Variants in ASCC2 observed in about 807,000 individuals in gnomAD.
ASCC2 encodes the protein ASC-1 complex subunit P100.
ASCC2 carries 42 observed loss-of-function variants against 93.5 expected under a neutral mutation model. The observed-to-expected ratio is 0.45, with a 90% CI of 0.35 to 0.58. The LOEUF is 0.58. Among genes scored for constraint, ASCC2 ranks in the 20% least tolerant of loss-of-function variants. ASCC2 has a pLI of 0.00. For missense variants in ASCC2, 859 were observed against 977.6 expected, an observed-to-expected ratio of 0.88 and a Z score of 1.62; for synonymous variants, 364 against 384.2, an observed-to-expected ratio of 0.95 and a Z score of 0.62.
chr22:29,824,251 TACACAC>T (rs60849755), intron 4 of ASCC2, among the ~76,000 whole-genome samples: 46,725 of 146,356 alleles, frequency 0.32, 8,058 homozygotes, highest in East Asian at 0.42. Context: ...ATTTTTTAAA[TACACAC>T]ACACACACAC....
chr22:29,803,866 A>G (rs1229355739), intron 13 of ASCC2, among the ~76,000 whole-genome samples: 1 of 152,206 alleles, frequency 6.6e-6, no homozygotes, highest in Non-Finnish European at 1.5e-5. Flanking sequence ...GGACTGTGGC[A>G]TTTGTTAATG....
Position 29,822,171 on chromosome 22 carries a change from T to A in ASCC2, c.541+164A>T. 3 of 824,962 alleles carry A rather than the reference T, an allele frequency of 3.6e-6. No homozygotes were observed. In the South Asian group the frequency reaches 4.9e-5, roughly 14 times the overall value. The allele number at this position is 824,962 out of a possible 1,614,324, so 51.1% of individuals were successfully genotyped here. A position where few individuals can be genotyped will look rare whatever the true frequency, so the allele number is the denominator to read the frequency against. On this transcript the variant is annotated intron_variant, in intron 5 of 19. Transcript: ENST00000307790. ...CTCCCTAGGTAGTGTCACTACCTAG[T>A]CATTTTGAGGTGACACTCATATATC...
At chr22:29,833,505 CAG>C (rs1175383916) in intron 1 of ASCC2, 1 of 435,898 alleles carries the variant, frequency 2.3e-6, no homozygotes, top group Non-Finnish European at 4.7e-6. Flanking sequence ...AGAAAACTGA[CAG>C]TGCAAGCTCC....
chr22:29,827,884 G>A (rs1408206931), intron 2 of ASCC2, among the ~76,000 whole-genome samples: 4 of 81,466 alleles, frequency 4.9e-5, no homozygotes, highest in African/African-American at 2.0e-4. Context: ...CACACACCAG[G>A]CTACTCATTC....
In ASCC2 at chr22:29,806,468, A is replaced by G; in HGVS notation, c.1085+17T>C. The G allele has an allele frequency of 6.2e-7, 1 of 1,613,372 alleles. No individual in the cohort carries two copies. The highest frequency in any genetic ancestry group is 8.5e-7 in the Non-Finnish European group (1 of 1,179,464). The stretch of plus-strand genomic sequence containing the variant: ...TGTGGGAGGGTCATGGGCCCAGGCC[A>G]GCTCAGCCACACTCACCTCTTCTCC... On this transcript the variant is annotated intron_variant, in intron 11 of 19. Coordinates refer to ENST00000307790, the MANE Select transcript of ASCC2 (RefSeq NM_032204.5).
intron 8 of ASCC2, among the ~76,000 whole-genome samples, chr22:29,811,647 G>C (rs1186220516): frequency 6.6e-6 from 1 of 152,198 alleles, no homozygotes; most frequent in East Asian, 1.9e-4. Context: ...GTGGGTCAAA[G>C]GCAGTGTTGC....
At position 29,792,461 on chromosome 22, in the gene ASCC2, T is replaced by A; in HGVS notation, c.1994A>T (p.Glu665Val). The A allele has an allele frequency of 6.2e-7, 1 of 1,614,002 alleles. No individual in the cohort carries two copies. The change falls in exon 18 of 20, where the codon GAA (glutamate) becomes GTA (valine). Residue 665 changes from glutamate to valine, a missense_variant. Transcript: ENST00000307790. ...EGQEEDDDDEEDDADEEAPKP... is the reference protein window; with the variant it reads ...EGQEEDDDDEVDDADEEAPKP... ...GGGAGCCTCCTCGTCAGCATCGTCT[T>A]CCTCATCGTCGTCATCCTCCTCCTG...
At chr22:29,789,272 G>A (rs2147273625) in intron 19 of ASCC2, 88 bp from the exon 20 acceptor site, 1 of 1,482,330 alleles carries the variant, frequency 6.7e-7, no homozygotes, top group Non-Finnish European at 9.3e-7. Context: ...GGTGTTCACT[G>A]GGAGAGGACA....
Position 29,804,633 on chromosome 22 carries a change from C to A in ASCC2, c.1353+5G>T. ...AAGAGGGAAAAGCGCCACTCAGACA[C>A]ATACCTCCTCTTCCTCCGAGTTCTC... On this transcript the variant is annotated splice_donor_5th_base_variant and intron_variant, in intron 13 of 19. Coordinates refer to ENST00000307790, the MANE Select transcript of ASCC2 (RefSeq NM_032204.5). 1 of 1,613,428 alleles carries A rather than the reference C, an allele frequency of 6.2e-7. No individual in the cohort carries two copies. Among genetic ancestry groups the A allele is most frequent in the Non-Finnish European group, 8.5e-7 (1 of 1,179,500 alleles).
chr22:29,825,114 G>A lies in ASCC2; in HGVS notation c.384C>T (p.Leu128=). 3.9e-6 allele frequency: 6 copies of A among 1,520,170 alleles called. No homozygotes were observed. Among genetic ancestry groups the A allele is most frequent in the Non-Finnish European group, 4.4e-6 (5 of 1,133,386 alleles). The allele number at this position is 1,520,170 out of a possible 1,614,324, so 94.2% of individuals were successfully genotyped here. ...TGGATTCCTTGTGAGTGGACATGCG[G>A]AGGAAGGTGAGAAAAACACTTCGAT... The part of the protein sequence containing the change: ...RLHRSVFLTF[L]RMSTHKESKD... Residue 128 remains leucine (L), a synonymous_variant, in exon 4 of 20, where the codon CTC becomes CTT. Transcript: ENST00000307790. This position sits in a 1 kb window ranked among gnomAD's most constrained non-coding sequence, Gnocchi z 4.9.
At chr22:29,815,655 T>G (rs561931759) in intron 6 of ASCC2, among the ~76,000 whole-genome samples, 1 of 152,192 alleles carries the variant, frequency 6.6e-6, no homozygotes, top group African/African-American at 2.4e-5. Flanking sequence ...CATTATTTCA[T>G]GAAATAATTT....
At chr22:29,802,305 G>T in intron 13 of ASCC2, 97 bp from the exon 14 acceptor site, 2 of 1,250,690 alleles carry the variant, frequency 1.6e-6, no homozygotes, top group East Asian at 2.4e-5. Context: ...CAGGGATCTG[G>T]TTCAAGTCCT....
chr22:29,800,434 C>T (rs2058950631), intron 15 of ASCC2, among the ~76,000 whole-genome samples: 1 of 152,214 alleles, frequency 6.6e-6, no homozygotes, highest in African/African-American at 2.4e-5. Context: ...ACTATATCCC[C>T]AGAACCTAAT....
chr22:29,827,283 G>A (rs1341926634), intron 2 of ASCC2, among the ~76,000 whole-genome samples: 3 of 151,974 alleles, frequency 2.0e-5, no homozygotes, highest in Non-Finnish European at 4.4e-5. Flanking sequence ...GATGGGCTCA[G>A]TTTTCTCCTC....
rs2059141336 is a variant in ASCC2 at position 29,802,000 on chromosome 22, A to C, written c.1562T>G (p.Leu521Arg). 5 of 1,590,008 alleles carry C rather than the reference A, an allele frequency of 3.1e-6. No individual in the cohort carries two copies. The highest frequency in any genetic ancestry group is 4.3e-6 in the Non-Finnish European group (5 of 1,167,322). ...TCCCACCTGTCTCTCCCACCTGTCT[A>C]GGTTGCGGTCCAGCTGGCTGAGGGT... ...APTLSQLDRN[L>R]DREMKPDPTP... Residue 521 changes from leucine (L) to arginine (R), a missense_variant, in exon 14 of 20, where the codon CTA (leucine) becomes CGA (arginine). Coordinates refer to ENST00000307790, the MANE Select transcript of ASCC2 (RefSeq NM_032204.5).
At chr22:29,822,106 G>A in intron 5 of ASCC2, 1 of 535,164 alleles carries the variant, frequency 1.9e-6, no homozygotes, top group Non-Finnish European at 3.3e-6. Flanking sequence ...AAAATTTCCA[G>A]ATCCCTGGGG....
chr22:29,837,916 C>G (rs1408694418), intron 1 of ASCC2, among the ~76,000 whole-genome samples: 1 of 152,220 alleles, frequency 6.6e-6, no homozygotes, highest in African/African-American at 2.4e-5. Flanking sequence ...ATGAATGAAC[C>G]CTGAGGAAAC....
intron 5 of ASCC2, among the ~76,000 whole-genome samples, chr22:29,816,280 G>A (rs1286291585): frequency 6.6e-6 from 1 of 152,158 alleles, no homozygotes; most frequent in Non-Finnish European, 1.5e-5. Flanking sequence ...CAGGGTGGGG[G>A]AGGGACCTTG....
intron 5 of ASCC2, among the ~76,000 whole-genome samples, chr22:29,818,409 CA>C (rs2061144735): frequency 2.0e-4 from 1 of 4,950 alleles, no homozygotes; most frequent in African/African-American, 6.0e-4. Context: ...TGCCTACACA[CA>C]CACACACACA....
Sources: allele counts gnomAD v4.1 joint callset (sites outside exome capture counted in the v4.1 genomes callset), GRCh38; gene constraint gnomAD v4.1.1; non-coding constraint Gnocchi (gnomAD v3.1); transcripts MANE v1.5; gene names NCBI Gene and HGNC (gene_info 2026-07-23, HGNC 2026-07-21).